CALN1: variants seen among roughly 807,000 people sequenced by gnomAD.
The protein encoded by CALN1 is calcium-binding protein 8.
In CALN1, 17 loss-of-function variants were observed where a neutral mutation model predicts 30.6. The ratio of observed to expected loss-of-function variants is 0.56; its 90% confidence interval spans 0.38 to 0.83. The LOEUF (loss-of-function observed/expected upper bound fraction) is 0.83, where lower values mean the gene tolerates loss of function less well. Ranked by LOEUF, CALN1 falls within the 40% of genes least tolerant of loss-of-function variation. The pLI is 0.00. For synonymous variants in CALN1, 156 were observed against 131.4 expected, an observed-to-expected ratio of 1.19 and a Z score of -1.28; for missense variants, 291 against 354.9, an observed-to-expected ratio of 0.82 and a Z score of 1.45.
intron 2 of CALN1, among the ~76,000 whole-genome samples, chr7:72,360,925 T>C (rs565692822): frequency 1.4e-4 from 22 of 151,768 alleles, no homozygotes; most frequent in African/African-American, 5.3e-4. Context: ...CAGGGTTTCA[T>C]CCTGTTGGCC....
intron 5 of CALN1, among the ~76,000 whole-genome samples, chr7:71,952,424 C>T (rs539510760): frequency 1.8e-4 from 28 of 152,156 alleles, no homozygotes; most frequent in Non-Finnish European, 1.0e-4. Flanking sequence ...GCGTGCATGT[C>T]AGCAGAGAAG....
chr7:72,139,756 C>G (rs1000566312), intron 3 of CALN1, among the ~76,000 whole-genome samples: 1 of 152,236 alleles, frequency 6.6e-6, no homozygotes, highest in Non-Finnish European at 1.5e-5. Flanking sequence ...TGCTCTGCCC[C>G]TCCTTAACCC....
At chr7:72,328,258 G>T (rs188319296) in intron 2 of CALN1, among the ~76,000 whole-genome samples, 1 of 152,136 alleles carries the variant, frequency 6.6e-6, no homozygotes, top group Admixed American at 6.5e-5. Flanking sequence ...TAATACTCAC[G>T]TATCAAGGGT....
chr7:72,336,135 G>A (rs1562900092), intron 2 of CALN1, among the ~76,000 whole-genome samples: 1 of 151,806 alleles, frequency 6.6e-6, no homozygotes, highest in Non-Finnish European at 1.5e-5. Context: ...GTGGGTGGCG[G>A]CGAGGAGCGT....
the CALN1 span, among the ~76,000 whole-genome samples, chr7:72,500,269 C>CTTTTTTTTTTTTTTTTTTTTTTTTTTTTT: frequency 3.9e-5 from 2 of 51,364 alleles, 1 homozygote; most frequent in Non-Finnish European, 6.7e-5. Flanking sequence ...TTCGTTCCTT[C>CTTTTTTTTTTTTTTTTTTTTTTTTTTTTT]TTTTTTTTTT....
intron 3 of CALN1, among the ~76,000 whole-genome samples, chr7:72,150,511 C>T (rs2129544113): frequency 6.6e-6 from 1 of 152,280 alleles, no homozygotes; most frequent in Admixed American, 6.5e-5. Flanking sequence ...GAGGCTCTCC[C>T]TTGAGATAAA....
intron 3 of CALN1, among the ~76,000 whole-genome samples, chr7:72,116,903 T>C (rs932582357): frequency 6.6e-6 from 1 of 152,210 alleles, no homozygotes; most frequent in African/African-American, 2.4e-5. Flanking sequence ...TTTAATTTTA[T>C]ACATTTTAGG....
chr7:72,057,258 G>A (rs976687478), intron 4 of CALN1, among the ~76,000 whole-genome samples: 1 of 152,046 alleles, frequency 6.6e-6, no homozygotes, highest in African/African-American at 2.4e-5. Flanking sequence ...GATTTTAAGT[G>A]AAAAGACAGA....
the CALN1 span, among the ~76,000 whole-genome samples, chr7:72,459,033 T>C: frequency 6.6e-6 from 1 of 151,232 alleles, no homozygotes; most frequent in Non-Finnish European, 1.5e-5. Flanking sequence ...TGCCTCAGCC[T>C]CCTGAGTAGC....
chr7:72,178,688 CA>C (rs34462364), intron 3 of CALN1, among the ~76,000 whole-genome samples: 175 of 137,304 alleles, frequency 1.3e-3, no homozygotes, highest in African/African-American at 1.2e-3. Context: ...GACTCCATGT[CA>C]AAAAAAAAAA....
chr7:72,362,081 T>C (rs1391683999), intron 2 of CALN1, among the ~76,000 whole-genome samples: 1 of 152,230 alleles, frequency 6.6e-6, no homozygotes, highest in East Asian at 1.9e-4. Context: ...GTGCCATTTC[T>C]TCCTTGGACA....
chr7:72,177,819 C>G (rs1789474501), intron 3 of CALN1, among the ~76,000 whole-genome samples: 1 of 151,644 alleles, frequency 6.6e-6, no homozygotes, highest in South Asian at 2.1e-4. Context: ...TCCACAGGCT[C>G]CAGGGACCAT....
At chr7:71,817,200 TTCAG>T (rs939541020) in intron 5 of CALN1, among the ~76,000 whole-genome samples, 16 of 152,358 alleles carry the variant, frequency 1.1e-4, no homozygotes, top group African/African-American at 3.1e-4. Flanking sequence ...TCAGTTTTTC[TTCAG>T]TCAATTTTGG....
At chr7:72,052,110 T>C (rs1471906294) in intron 4 of CALN1, among the ~76,000 whole-genome samples, 2 of 152,184 alleles carry the variant, frequency 1.3e-5, no homozygotes, top group Non-Finnish European at 2.9e-5. Context: ...GATGGTATGA[T>C]TGTCTATCTA....
chr7:72,444,286 G>A lies in CALN1; in HGVS notation c.-226+2756C>T, dbSNP rs563595382. Among the ~76,000 whole-genome samples, 7 of 152,088 alleles carry A rather than the reference G, an allele frequency of 4.6e-5. No individual in the cohort carries two copies. The East Asian group carries it at 7.8e-4, about 17-fold the overall frequency. The stretch of plus-strand genomic sequence containing the variant: ...AGCTCCCAGGGCACTCCTGGAGTCC[G>A]CAGGCACCCGGTACAGGTTCCAGTG... On this transcript the variant is annotated intron_variant, in intron 1 of 6. Coordinates refer to the CALN1 transcript ENST00000395276.
intron 5 of CALN1, among the ~76,000 whole-genome samples, chr7:71,907,815 A>G (rs937426245): frequency 1.3e-5 from 2 of 152,222 alleles, no homozygotes; most frequent in African/African-American, 4.8e-5. Context: ...TGTGCAGAGC[A>G]CACACTTCTA....
At chr7:72,459,918 G>A in the CALN1 span, among the ~76,000 whole-genome samples, 3 of 152,228 alleles carry the variant, frequency 2.0e-5, no homozygotes, top group East Asian at 5.8e-4. Flanking sequence ...GCATACTTGG[G>A]GCTGGGTAAT....
chr7:72,198,125 C>A (rs981803156), intron 3 of CALN1, among the ~76,000 whole-genome samples: 9 of 152,100 alleles, frequency 5.9e-5, no homozygotes, highest in East Asian at 1.9e-4. Context: ...AACAGAATGG[C>A]CTTCTCAATA....
chr7:72,206,601 A>G (rs545147195), intron 3 of CALN1, among the ~76,000 whole-genome samples: 11 of 151,852 alleles, frequency 7.2e-5, no homozygotes, highest in African/African-American at 2.4e-4. Flanking sequence ...TATTGTGTTT[A>G]TTCTTTTATT....
Sources: allele counts gnomAD v4.1 joint callset (sites outside exome capture counted in the v4.1 genomes callset), GRCh38; gene constraint gnomAD v4.1.1; transcripts MANE v1.5; gene names NCBI Gene and HGNC (gene_info 2026-07-23, HGNC 2026-07-21).